The following GYG2 variants were observed in gnomAD, a reference collection of about 807,000 sequenced individuals.
GYG2 encodes the protein glycogenin 2.
A neutral mutation model predicts 29.4 loss-of-function variants in GYG2; 29 were observed. That is an observed-to-expected ratio of 0.99 (90% confidence interval 0.74 to 1.35). GYG2 has a LOEUF of 1.35. Ranked by LOEUF, GYG2 falls within the 40% of genes most tolerant of loss-of-function variation. GYG2 has a pLI of 0.00. For synonymous variants in GYG2, 167 were observed against 172.3 expected (o/e 0.97, Z 0.24); for missense variants, 370 against 385.7 (o/e 0.96, Z 0.34).
At chrX:2,861,135 G>A (rs1196125847) in intron 7 of GYG2, among the ~76,000 whole-genome samples, 1 of 110,784 alleles carries the variant, frequency 9.0e-6, no homozygotes, top group African/African-American at 3.3e-5. Context: ...TTTTAGTATG[G>A]TTTTTTATTT....
At chrX:2,845,656 T>C (rs1302967682) in intron 3 of GYG2, among the ~76,000 whole-genome samples, 2 of 106,855 alleles carry the variant, frequency 1.9e-5, no homozygotes, top group African/African-American at 6.7e-5. Flanking sequence ...CATGTGTATG[T>C]ACATACATTT....
At chrX:2,832,353 A>T (rs983258770) in intron 2 of GYG2, among the ~76,000 whole-genome samples, 2 of 111,224 alleles carry the variant, frequency 1.8e-5, no homozygotes, top group African/African-American at 6.6e-5. Context: ...CTCCACTCTA[A>T]ACCAAAGAGA....
At position 2,830,146 on chromosome X, in the gene GYG2, C is replaced by G; in HGVS notation, c.-43C>G. 1 of 1,197,313 alleles carries G rather than the reference C, an allele frequency of 8.4e-7. No homozygotes were observed. Among genetic ancestry groups the G allele is most frequent in the Non-Finnish European group, 1.1e-6 (1 of 882,519 alleles). Reference sequence around the variant, plus strand: ...GAAGTCCACCCACTGCTCCCGGGCGCAGGTCTGCAGGTCCGCGCCCACTGC... The same window carrying G: ...GAAGTCCACCCACTGCTCCCGGGCGGAGGTCTGCAGGTCCGCGCCCACTGC... On this transcript the variant is annotated 5_prime_UTR_variant, in exon 2 of 11. Coordinates refer to ENST00000398806, the MANE Select transcript of GYG2 (RefSeq NM_001079855.2).
Position 2,881,257 on chromosome X carries a change from T to C in GYG2, c.*44T>C, listed in dbSNP as rs1391395936. ...TTGTGTGTAGTTAGACAATGTCCTG[T>C]TGGGTGGTCCTGTTGCGTGGAGATC... On this transcript the variant is annotated 3_prime_UTR_variant, in exon 11 of 11. Transcript: ENST00000398806. 1 of 1,074,667 alleles carries C rather than the reference T, an allele frequency of 9.3e-7. No individual in the cohort carries two copies. The highest frequency in any genetic ancestry group is 1.2e-6 in the Non-Finnish European group (1 of 800,822). The allele number at this position is 1,074,667 out of a possible 1,213,427, so 88.6% of individuals were successfully genotyped here.
At chrX:2,868,546 C>G (rs1174295675) in intron 8 of GYG2, among the ~76,000 whole-genome samples, 1 of 110,110 alleles carries the variant, frequency 9.1e-6, no homozygotes, top group Non-Finnish European at 1.9e-5. Context: ...CCCCACCTCT[C>G]CATCCTAAGG....
intron 10 of GYG2, among the ~76,000 whole-genome samples, chrX:2,878,560 G>A (rs543393967): frequency 3.6e-5 from 4 of 111,567 alleles, no homozygotes; most frequent in African/African-American, 1.3e-4. Flanking sequence ...ATGAGCCACC[G>A]CGCCCAGCCT....
At chrX:2,858,183 C>A (rs1400097394) in intron 6 of GYG2, among the ~76,000 whole-genome samples, 1 of 111,611 alleles carries the variant, frequency 9.0e-6, no homozygotes, top group Non-Finnish European at 1.9e-5. Context: ...GGGACATGGC[C>A]GAGCACAGTG....
Position 2,868,235 on chromosome X carries a change from C to T in GYG2, c.1038+6513C>T, listed in dbSNP as rs776618176. ...CCAAAAAGGTATTTTGGGCCGGGCA[C>T]GGTGGCTCACACCTGTAATCCTAGC... On this transcript the variant is annotated intron_variant, in intron 8 of 10. Transcript: ENST00000398806. Among the ~76,000 whole-genome samples the T allele has an allele frequency of 1.4e-4, 15 of 109,777 alleles. No individual in the cohort carries two copies. In the South Asian group the frequency reaches 3.2e-3, roughly 23 times the overall value.
At chrX:2,876,345 T>C (rs59835485) in intron 9 of GYG2, among the ~76,000 whole-genome samples, 1,933 of 111,382 alleles carry the variant, frequency 0.017, 41 homozygotes, top group African/African-American at 0.058. Context: ...TCTTTTTTTC[T>C]CTAAGTTTAC....
intron 2 of GYG2, 85 bp downstream of exon 2, chrX:2,830,280 C>T: frequency 2.3e-6 from 2 of 877,942 alleles, no homozygotes; most frequent in Non-Finnish European, 3.4e-6. Flanking sequence ...GAGAACCCCA[C>T]TTTGACCGCA....
chrX:2,831,811 G>A, intron 2 of GYG2, among the ~76,000 whole-genome samples: 1 of 111,387 alleles, frequency 9.0e-6, no homozygotes, highest in Non-Finnish European at 1.9e-5. Context: ...AGTGCAGGGG[G>A]GCAGGCAAGG....
chrX:2,862,960 T>C (rs1011370969), intron 8 of GYG2, among the ~76,000 whole-genome samples: 1 of 109,554 alleles, frequency 9.1e-6, no homozygotes, highest in East Asian at 2.9e-4. Flanking sequence ...CTTGGGAGGC[T>C]GAGGCAGGAG....
chrX:2,834,680 C>A (rs781178384), intron 2 of GYG2, among the ~76,000 whole-genome samples: 1 of 111,928 alleles, frequency 8.9e-6, no homozygotes, highest in Non-Finnish European at 1.9e-5. Context: ...ACTGAGAGCA[C>A]GTCATTAGGC....
At chrX:2,857,228 C>T (rs1222203729) in intron 6 of GYG2, among the ~76,000 whole-genome samples, 1 of 107,487 alleles carries the variant, frequency 9.3e-6, no homozygotes, top group Non-Finnish European at 1.9e-5. Context: ...GTCTATCTGT[C>T]TAATCTATCA....
chrX:2,857,196 A>G (rs1390703307), intron 6 of GYG2, among the ~76,000 whole-genome samples: 2 of 108,682 alleles, frequency 1.8e-5, no homozygotes, highest in Non-Finnish European at 3.8e-5. Context: ...CTAGATATCT[A>G]TCTATCTAGA....
intron 4 of GYG2, among the ~76,000 whole-genome samples, chrX:2,854,430 G>A (rs945323171): frequency 4.5e-5 from 5 of 111,930 alleles, no homozygotes; most frequent in Non-Finnish European, 9.4e-5. Context: ...CATGCTGGCC[G>A]GGCTGTCACC....
intron 3 of GYG2, among the ~76,000 whole-genome samples, chrX:2,850,265 C>A (rs941506404): frequency 2.7e-5 from 3 of 111,854 alleles, no homozygotes; most frequent in Non-Finnish European, 5.6e-5. Flanking sequence ...ATTAACATTT[C>A]ACATGGGAGG....
Position 2,861,537 on chromosome X carries a change from G to A in GYG2, c.853G>A (p.Val285Met), listed in dbSNP as rs750976867. 5.8e-6 allele frequency: 7 copies of A among 1,205,408 alleles called. No homozygotes were observed. The highest frequency in any genetic ancestry group is 1.8e-5 in the African/African-American group (1 of 56,991). Residue 285 changes from valine (V) to methionine (M), a missense_variant, in exon 8 of 11, where the codon GTG becomes ATG. Coordinates refer to ENST00000398806, the MANE Select transcript of GYG2 (RefSeq NM_001079855.2). Reference protein sequence around the residue: ...SPGHTLCHSDVGGPCADSASG... With the variant: ...SPGHTLCHSDMGGPCADSASG... ...TTTTGTGCAGCTTTGCCACAGTGAT[G>A]TGGGGGGGCCGTGTGCGGATTCAGC...
In GYG2 at chrX:2,856,758, A is replaced by G. The variant is rs749243081; in HGVS notation, c.614+134A>G. The G allele has an allele frequency of 6.2e-4, 224 of 363,408 alleles. 1 individual carries two copies. The African/African-American group carries it at 7.3e-3, about 12-fold the overall frequency. 29.9% of individuals were successfully genotyped at this position (363,408 alleles called of 1,213,427 possible). A position where few individuals can be genotyped will look rare whatever the true frequency, so the allele number is the denominator to read the frequency against. Reference sequence around the variant, plus strand: ...CTATCATCTATCTATCTATGTATCTATCTATCTATCTATCTATCTATCTAT... The same window carrying G: ...CTATCATCTATCTATCTATGTATCTGTCTATCTATCTATCTATCTATCTAT... On this transcript the variant is annotated intron_variant, in intron 6 of 10. Coordinates refer to ENST00000398806, the MANE Select transcript of GYG2 (RefSeq NM_001079855.2).
Sources: allele counts gnomAD v4.1 joint callset (sites outside exome capture counted in the v4.1 genomes callset), GRCh38; gene constraint gnomAD v4.1.1; transcripts MANE v1.5; gene names NCBI Gene and HGNC (gene_info 2026-07-23, HGNC 2026-07-21).